Variants in OR2L13 observed in about 807,000 individuals in gnomAD.
OR2L13 encodes olfactory receptor 2L13.
Under a neutral mutation model 15.3 loss-of-function variants are expected in OR2L13, and 14 were observed. That is an observed-to-expected ratio of 0.91 (90% confidence interval 0.60 to 1.43). OR2L13 has a LOEUF of 1.43. Among genes scored for constraint, OR2L13 ranks in the 40% most tolerant of loss-of-function variants. The pLI, the probability that OR2L13 is intolerant of heterozygous loss-of-function variation, is 0.00. For synonymous variants in OR2L13, 152 were observed against 142.9 expected, an observed-to-expected ratio of 1.06 and a Z score of -0.45; for missense variants, 367 against 387.9, an observed-to-expected ratio of 0.95 and a Z score of 0.45.
chr1:248,075,067 C>G, the OR2L13 span, among the ~76,000 whole-genome samples: 5 of 152,144 alleles, frequency 3.3e-5, no homozygotes, highest in Admixed American at 3.3e-4. Context: ...GTTCCCCACC[C>G]TGTGTCCAAG....
At chr1:248,077,860 G>A in the OR2L13 span, among the ~76,000 whole-genome samples, 3 of 152,038 alleles carry the variant, frequency 2.0e-5, no homozygotes, top group African/African-American at 7.2e-5. Context: ...GAGTTAAACA[G>A]ACAACTCACA....
At chr1:248,035,041 TATCTTTCC>T in the OR2L13 span, among the ~76,000 whole-genome samples, 4 of 152,040 alleles carry the variant, frequency 2.6e-5, no homozygotes, top group African/African-American at 9.7e-5. Flanking sequence ...ATAACATATT[TATCTTTCC>T]CTTTTTTTTT....
At chr1:247,946,521 G>A in the OR2L13 span, among the ~76,000 whole-genome samples, 1 of 152,226 alleles carries the variant, frequency 6.6e-6, no homozygotes, top group East Asian at 1.9e-4. Context: ...CATAGACATA[G>A]TCTCAGCAGA....
At chr1:247,972,069 A>G in the OR2L13 span, among the ~76,000 whole-genome samples, 1 of 152,350 alleles carries the variant, frequency 6.6e-6, no homozygotes. Context: ...GTTTGAAACC[A>G]GTGAGAACAA....
the OR2L13 span, among the ~76,000 whole-genome samples, chr1:247,980,619 G>A: frequency 3.3e-3 from 508 of 152,188 alleles, 3 homozygotes; most frequent in Non-Finnish European, 5.8e-3. Context: ...ATTTCTAAAC[G>A]TTGGACTAAG....
At chr1:247,989,278 C>T in the OR2L13 span, among the ~76,000 whole-genome samples, 2 of 151,974 alleles carry the variant, frequency 1.3e-5, no homozygotes, top group South Asian at 2.1e-4. Context: ...TAGGCAAAGA[C>T]AATTCAAGAA....
At chr1:248,018,160 T>TAAA in the OR2L13 span, among the ~76,000 whole-genome samples, 28 of 144,234 alleles carry the variant, frequency 1.9e-4, no homozygotes, top group Non-Finnish European at 3.0e-5. Flanking sequence ...CTCAAAAAAA[T>TAAA]AAAAAAAAAA....
At chr1:248,022,002 C>A in the OR2L13 span, 1 of 1,613,884 alleles carries the variant, frequency 6.2e-7, no homozygotes. Context: ...GCTGTTCCCA[C>A]CATCAAAAAT....
At chr1:247,947,390 G>A in the OR2L13 span, among the ~76,000 whole-genome samples, 2 of 152,122 alleles carry the variant, frequency 1.3e-5, no homozygotes, top group Non-Finnish European at 2.9e-5. Context: ...TCCAAATTCT[G>A]GTGATCTTTG....
the OR2L13 span, among the ~76,000 whole-genome samples, chr1:247,985,556 G>A: frequency 6.6e-6 from 1 of 152,108 alleles, no homozygotes; most frequent in Non-Finnish European, 1.5e-5. Context: ...TGTGAATAGT[G>A]CCACAATAAA....
chr1:248,020,817 A>C, the OR2L13 span, among the ~76,000 whole-genome samples: 74 of 151,334 alleles, frequency 4.9e-4, no homozygotes, highest in African/African-American at 1.6e-3. Context: ...TTTATTTTTT[A>C]TTATACTTTA....
chr1:247,993,803 GAGAGAGAGAAAGAA>G, the OR2L13 span, among the ~76,000 whole-genome samples: 4 of 132,494 alleles, frequency 3.0e-5, no homozygotes, highest in East Asian at 4.2e-4. Flanking sequence ...GAGAGAGAGA[GAGAGAGAGAAAGAA>G]AGAGAAAGAA....
At chr1:248,025,482 C>A in the OR2L13 span, among the ~76,000 whole-genome samples, 3 of 149,198 alleles carry the variant, frequency 2.0e-5, no homozygotes, top group African/African-American at 7.7e-5. Flanking sequence ...GAAATAGGAA[C>A]ACTTTTACAC....
chr1:248,074,899 G>A, the OR2L13 span, among the ~76,000 whole-genome samples: 2 of 151,556 alleles, frequency 1.3e-5, no homozygotes, highest in Admixed American at 6.6e-5. Flanking sequence ...TACACTTTAA[G>A]TTTAGGGTAT....
At chr1:247,983,164 C>G in the OR2L13 span, among the ~76,000 whole-genome samples, 2 of 152,148 alleles carry the variant, frequency 1.3e-5, no homozygotes, top group Non-Finnish European at 2.9e-5. Flanking sequence ...CTCTGAATCT[C>G]AATTTCATCA....
the OR2L13 span, among the ~76,000 whole-genome samples, chr1:248,025,551 G>A: frequency 1.3e-5 from 2 of 149,204 alleles, no homozygotes; most frequent in Non-Finnish European, 2.9e-5. Context: ...CGATTCCTCA[G>A]GGATCTAGAA....
the OR2L13 span, among the ~76,000 whole-genome samples, chr1:248,043,755 G>T: frequency 6.6e-6 from 1 of 152,156 alleles, no homozygotes; most frequent in African/African-American, 2.4e-5. Flanking sequence ...CTACTCCACA[G>T]ACAGAGTAGG....
the OR2L13 span, among the ~76,000 whole-genome samples, chr1:247,964,924 T>G: frequency 1.3e-5 from 2 of 149,298 alleles, no homozygotes; most frequent in Non-Finnish European, 3.0e-5. Context: ...GAGTAATATG[T>G]TTATAGATAC....
At chr1:247,954,957 T>TG in the OR2L13 span, among the ~76,000 whole-genome samples, 16 of 41,530 alleles carry the variant, frequency 3.9e-4, no homozygotes, top group Admixed American at 3.6e-3. Context: ...TATATATATA[T>TG]ATATTTTTAC....
Sources: allele counts gnomAD v4.1 joint callset (sites outside exome capture counted in the v4.1 genomes callset), GRCh38; gene constraint gnomAD v4.1.1; transcripts MANE v1.5; gene names NCBI Gene and HGNC (gene_info 2026-07-23, HGNC 2026-07-21).